Variants in ZC3HC1 observed in about 807,000 individuals in gnomAD.
ZC3HC1 encodes the protein zinc finger C3HC-type containing 1, also known as zinc finger C3HC-type protein 1.
A neutral mutation model predicts 61.9 loss-of-function variants in ZC3HC1; 38 were observed. The ratio of observed to expected loss-of-function variants is 0.61; its 90% CI spans 0.47 to 0.81. The LOEUF is 0.81. ZC3HC1 is among the 30% of genes least tolerant of loss of function. The probability of loss-of-function intolerance (pLI) is 0.00; values close to 1 mark genes in which losing one functional copy is unlikely to be tolerated. For synonymous variants in ZC3HC1, 213 were observed against 229.9 expected (o/e 0.93, Z 0.67); for missense variants, 554 against 622.7 (o/e 0.89, Z 1.17).
Position 130,049,154 on chromosome 7 carries a change from A to AG in ZC3HC1, c.147-11dup, listed in dbSNP as rs1563087413. ...GGCAGACGTGTCCTTCCTAATATAA[A>AG]GTGGCAAAACTGTTGGTAAACCTTT... On this transcript the variant is annotated splice_polypyrimidine_tract_variant and intron_variant, in intron 1 of 9. Transcript: ENST00000358303. The AG allele has an allele frequency of 6.9e-6, 11 of 1,584,254 alleles. No individual in the cohort carries two copies. The highest frequency in any genetic ancestry group is 8.6e-6 in the Non-Finnish European group (10 of 1,166,358).
intron 4 of ZC3HC1, among the ~76,000 whole-genome samples, chr7:130,034,052 A>T (rs1794327390): frequency 6.6e-6 from 1 of 152,198 alleles, no homozygotes; most frequent in Admixed American, 6.5e-5. Flanking sequence ...CATGTTTGAT[A>T]AGTTTTAACG....
chr7:130,036,455 G>A (rs773855366), intron 4 of ZC3HC1, among the ~76,000 whole-genome samples: 5 of 152,168 alleles, frequency 3.3e-5, no homozygotes, highest in Non-Finnish European at 5.9e-5. Context: ...CCAGCTACTC[G>A]GAAGGCTGAG....
intron 2 of ZC3HC1, among the ~76,000 whole-genome samples, chr7:130,046,856 C>A (rs531636116): frequency 6.6e-6 from 1 of 152,068 alleles, no homozygotes; most frequent in Non-Finnish European, 1.5e-5. Flanking sequence ...GGCATGGTCT[C>A]GGCTCACTGC....
intron 1 of ZC3HC1, chr7:130,050,580 C>T (rs1436963624): frequency 8.2e-7 from 1 of 1,225,286 alleles, no homozygotes; most frequent in Non-Finnish European, 1.1e-6. Context: ...GCATTTTCTT[C>T]AATTATGAAT....
intron 5 of ZC3HC1, among the ~76,000 whole-genome samples, chr7:130,027,715 C>A (rs1237812624): frequency 3.3e-5 from 5 of 150,936 alleles, no homozygotes; most frequent in Non-Finnish European, 7.4e-5. Flanking sequence ...GACGGGGTTT[C>A]ACCATGTTGG....
chr7:130,026,992 T>TAAAAA (rs1563076366), intron 5 of ZC3HC1: 1 of 146,102 alleles, frequency 6.8e-6, no homozygotes, highest in Non-Finnish European at 1.5e-5. Flanking sequence ...AAAAAAAAAT[T>TAAAAA]AAAGAAAAAA....
Position 130,043,013 on chromosome 7 carries a change from G to A in ZC3HC1, c.259-1912C>T, listed in dbSNP as rs533767315. The stretch of plus-strand genomic sequence containing the variant: ...GTTTTTAATAATCTATGTGGGCCGG[G>A]TGCGGTGGCCCCAGCACTTTGGGAG... On this transcript the variant is annotated intron_variant, in intron 2 of 9. Coordinates refer to ENST00000358303, the MANE Select transcript of ZC3HC1 (RefSeq NM_016478.5). 8.5e-5 allele frequency among the ~76,000 whole-genome samples: 13 copies of A among 152,252 alleles called. No homozygotes were observed. In the South Asian group the frequency reaches 2.3e-3, roughly 27 times the overall value.
chr7:130,044,001 AG>A, intron 2 of ZC3HC1: 2 of 363,618 alleles, frequency 5.5e-6, no homozygotes, highest in Non-Finnish European at 1.1e-5. Context: ...AGATGTCAGC[AG>A]GAACTCATCG....
At chr7:130,029,242 C>T (rs1368534360) in intron 4 of ZC3HC1, among the ~76,000 whole-genome samples, 5 of 151,998 alleles carry the variant, frequency 3.3e-5, no homozygotes, top group Admixed American at 6.6e-5. Context: ...GGCATGGTGG[C>T]GCGTGCCTGT....
intron 3 of ZC3HC1, 69 bp downstream of exon 3, chr7:130,040,882 C>T (rs1444634935): frequency 1.4e-6 from 2 of 1,427,758 alleles, no homozygotes; most frequent in South Asian, 3.2e-5. Flanking sequence ...ACCTTTTTTC[C>T]CCCCCCAGAA....
At position 130,039,484 on chromosome 7, in the gene ZC3HC1, C is replaced by T. The variant is rs752044022; in HGVS notation, c.473G>A (p.Trp158Ter). The change falls in exon 4 of 10, where the codon TGG becomes TAG. Residue 158 changes from tryptophan (W) to a stop codon, truncating the protein, a stop_gained. Coordinates refer to ENST00000358303, the MANE Select transcript of ZC3HC1 (RefSeq NM_016478.5). LOFTEE classifies it high-confidence loss of function. ...AGTACCTGGGGATGGGCTGTCTGGC[C>T]AGAAACAGAACTTCTCATGGGCAGT... is the stretch of plus-strand genomic sequence containing the variant. Reference protein sequence around the residue: ...LCTAHEKFCFWPDSPSPDRFG... With the variant: ...LCTAHEKFCF 1 of 1,612,246 alleles carries T rather than the reference C, an allele frequency of 6.2e-7. No individual in the cohort carries two copies. Among genetic ancestry groups the T allele is most frequent in the South Asian group, 1.1e-5 (1 of 90,386 alleles).
intron 8 of ZC3HC1, among the ~76,000 whole-genome samples, chr7:130,022,732 A>G (rs997130409): frequency 3.9e-5 from 6 of 152,032 alleles, no homozygotes; most frequent in African/African-American, 1.4e-4. Flanking sequence ...CCTTATCACA[A>G]GGGATAAGGG....
intron 4 of ZC3HC1, among the ~76,000 whole-genome samples, chr7:130,032,093 G>A (rs1283802294): frequency 1.3e-5 from 2 of 152,036 alleles, no homozygotes; most frequent in Non-Finnish European, 2.9e-5. Context: ...GCATGGTGGT[G>A]GGTGCCTGTA....
At chr7:130,048,211 G>A (rs1138985) in intron 2 of ZC3HC1, among the ~76,000 whole-genome samples, 34,477 of 146,356 alleles carry the variant, frequency 0.24, 4,142 homozygotes, top group Non-Finnish European at 0.26. Context: ...ATGCAGTGGC[G>A]CGATCTCGAC....
intron 1 of ZC3HC1, 95 bp from the exon 2 acceptor site, chr7:130,049,239 C>G: frequency 1.2e-6 from 1 of 809,818 alleles, no homozygotes; most frequent in East Asian, 3.0e-5. Context: ...ATAAATCACA[C>G]CAACGCTGGA....
At chr7:130,043,819 A>G (rs1794768926) in intron 2 of ZC3HC1, 2 of 455,128 alleles carry the variant, frequency 4.4e-6, no homozygotes, top group Non-Finnish European at 8.8e-6. Context: ...GATTCATGCA[A>G]GAAAGGATGG....
At chr7:130,025,477 C>T (rs1793857355) in intron 6 of ZC3HC1, among the ~76,000 whole-genome samples, 1 of 151,788 alleles carries the variant, frequency 6.6e-6, no homozygotes, top group Non-Finnish European at 1.5e-5. Flanking sequence ...TTCTTCCTTT[C>T]TAAAAATAGA....
chr7:130,023,893 G>A lies in ZC3HC1; in HGVS notation c.1021-170C>T, dbSNP rs1002089746. Among the ~76,000 whole-genome samples, 1 of 151,806 alleles carries A rather than the reference G, an allele frequency of 6.6e-6. No individual in the cohort carries two copies. Among genetic ancestry groups the A allele is most frequent in the Non-Finnish European group, 1.5e-5 (1 of 67,978 alleles). On this transcript the variant is annotated intron_variant, in intron 7 of 9. Transcript: ENST00000358303. The surrounding 1 kb of genome is among the most constrained non-coding windows in gnomAD (Gnocchi z 4.2). ...TGGCTCATGGCAACCTCTGCCTCCC[G>A]AGTTCAAGTGATTCTCCTGCTTCAG...
In ZC3HC1 at chr7:130,049,020, TA is replaced by T; in HGVS notation, c.258+12del. 3.2e-6 allele frequency: 5 copies of T among 1,585,258 alleles called. No homozygotes were observed. The highest frequency in any genetic ancestry group is 1.7e-4 in the Middle Eastern group (1 of 5,990). On this transcript the variant is annotated intron_variant, in intron 2 of 9. Coordinates refer to ENST00000358303, the MANE Select transcript of ZC3HC1 (RefSeq NM_016478.5). ...GGCAGAAAGTGCAATTCACATGAAC[TA>T]AAAAAGGATATAGAAAATGTTTCCA...
Sources: allele counts gnomAD v4.1 joint callset (sites outside exome capture counted in the v4.1 genomes callset), GRCh38; gene constraint gnomAD v4.1.1; non-coding constraint Gnocchi (gnomAD v3.1); transcripts MANE v1.5; gene names NCBI Gene and HGNC (gene_info 2026-07-23, HGNC 2026-07-21).